The following KLHL9 variants were observed in gnomAD, a reference collection of about 807,000 sequenced individuals.
KLHL9 encodes the protein kelch like family member 9, also known as kelch-like protein 9.
A neutral mutation model predicts 42.3 loss-of-function variants in KLHL9; 27 were observed. The ratio of observed to expected loss-of-function variants is 0.64; its 90% CI spans 0.47 to 0.88. The LOEUF (loss-of-function observed/expected upper bound fraction) is 0.88. KLHL9 is among the 40% of genes least tolerant of loss of function. The pLI is 0.00. For synonymous variants in KLHL9, 274 were observed against 254.4 expected (o/e 1.08, Z -0.73); for missense variants, 629 against 750.3 (o/e 0.84, Z 1.89).
chr9:21,332,910 A>G lies in KLHL9; in HGVS notation c.*96T>C, dbSNP rs567820351. 1 of 1,552,934 alleles carries G rather than the reference A, an allele frequency of 6.4e-7. No homozygotes were observed. Among genetic ancestry groups the G allele is most frequent in the African/African-American group, 1.4e-5 (1 of 73,458 alleles). On this transcript the variant is annotated 3_prime_UTR_variant, in exon 1 of 1. Transcript: ENST00000359039. ...AAGACGAATAACATCAGTTACCTTTATATCTAATAACTGTACCAATCACTG... is the reference window on the plus strand; with the variant it reads ...AAGACGAATAACATCAGTTACCTTTGTATCTAATAACTGTACCAATCACTG...
Position 21,332,739 on chromosome 9 carries a change from C to A in KLHL9, c.*267G>T. ...ATAATGGACATAATTACACATTTAC[C>A]ACAGTCATCTACAATTTTATATAAC... On this transcript the variant is annotated 3_prime_UTR_variant, in exon 1 of 1. Coordinates refer to ENST00000359039, the MANE Select transcript of KLHL9 (RefSeq NM_018847.4). 2 of 435,084 alleles carry A rather than the reference C, an allele frequency of 4.6e-6. No homozygotes were observed. Among genetic ancestry groups the A allele is most frequent in the Non-Finnish European group, 8.0e-6 (2 of 248,676 alleles). 27.0% of individuals were successfully genotyped at this position (435,084 alleles called of 1,614,324 possible). A position where few individuals can be genotyped will look rare whatever the true frequency, so the allele number is the denominator to read the frequency against.
rs1820201040 is a variant in KLHL9 at position 21,333,005 on chromosome 9, C to T, written c.*1G>A. The stretch of plus-strand genomic sequence containing the variant: ...TACTGCAAAGGTGTTACACCTTAGA[C>T]CTAAGAATGATCTGAAGGTGCTGAA... On this transcript the variant is annotated 3_prime_UTR_variant, in exon 1 of 1. Coordinates refer to ENST00000359039, the MANE Select transcript of KLHL9 (RefSeq NM_018847.4). This position sits in a 1 kb window ranked among gnomAD's most constrained non-coding sequence, Gnocchi z 7.5. 3 of 1,613,854 alleles carry T rather than the reference C, an allele frequency of 1.9e-6. No homozygotes were observed. The highest frequency in any genetic ancestry group is 2.2e-5 in the East Asian group (1 of 44,874).
chr9:21,333,444 T>A lies in KLHL9; in HGVS notation c.1416A>T (p.Lys472Asn), dbSNP rs1302103443. Residue 472 changes from lysine (K) to asparagine (N), a missense_variant, in exon 1 of 1, where the codon AAA becomes AAT. By Grantham distance (94) the Lys-to-Asn change is moderately conservative. Transcript: ENST00000359039. This position sits in a 1 kb window ranked among gnomAD's most constrained non-coding sequence, Gnocchi z 7.5. ...ELMCFDPDTD[K>N]WMQKAPMTTV... ...TAGTCATTGGAGCCTTTTGCATCCA[T>A]TTATCTGTATCTGGGTCAAAACACA... The A allele has an allele frequency of 1.9e-6, 3 of 1,614,226 alleles. No homozygotes were observed. Among genetic ancestry groups the A allele is most frequent in the Non-Finnish European group, 2.5e-6 (3 of 1,180,038 alleles).
rs1820206413 is a variant in KLHL9 at position 21,333,277 on chromosome 9, A to G, written c.1583T>C (p.Ile528Thr). The G allele has an allele frequency of 1.2e-6, 2 of 1,614,064 alleles. No individual in the cohort carries two copies. The highest frequency in any genetic ancestry group is 1.7e-6 in the Non-Finnish European group (2 of 1,180,032). ...YSPTLDQWTPIAAMLRGQSDV... is the reference protein window; with the variant it reads ...YSPTLDQWTPTAAMLRGQSDV... ...ACTTTGGCCTCTTAACATGGCGGCA[A>G]TTGGGGTCCACTGGTCAAGGGTTGG... The change falls in exon 1 of 1, where the codon ATT (isoleucine) becomes ACT (threonine). Residue 528 changes from isoleucine to threonine, a missense_variant. Coordinates refer to ENST00000359039, the MANE Select transcript of KLHL9 (RefSeq NM_018847.4). The surrounding 1 kb of genome is among the most constrained non-coding windows in gnomAD (Gnocchi z 7.5).
rs1193905389 is a variant in KLHL9 at position 21,333,153 on chromosome 9, T to C, written c.1707A>G (p.Pro569=). The C allele has an allele frequency of 6.2e-7, 1 of 1,614,104 alleles. No individual in the cohort carries two copies. Among genetic ancestry groups the C allele is most frequent in the Non-Finnish European group, 8.5e-7 (1 of 1,180,036 alleles). The stretch of plus-strand genomic sequence containing the variant: ...AAACTTTATGCCACTCATCTTTTTC[T>C]GGGTCATATTTCTGGACAATTTCTA... The part of the protein sequence containing the change: ...CMVEIVQKYD[P]EKDEWHKVFD... The change falls in exon 1 of 1, where the codon CCA becomes CCG. Residue 569 remains proline, a synonymous_variant. Transcript: ENST00000359039. This position sits in a 1 kb window ranked among gnomAD's most constrained non-coding sequence, Gnocchi z 7.5.
rs772600694 is a variant in KLHL9 at position 21,331,192 on chromosome 9, A to C, written c.*1814T>G. The C allele has an allele frequency of 6.6e-6, 1 of 152,548 alleles. No homozygotes were observed. The highest frequency in any genetic ancestry group is 1.5e-5 in the Non-Finnish European group (1 of 68,034). 9.4% of individuals were successfully genotyped at this position (152,548 alleles called of 1,614,324 possible). A position where few individuals can be genotyped will look rare whatever the true frequency, so the allele number is the denominator to read the frequency against. Reference sequence around the variant, plus strand: ...ATTAATAATCAAAGGATTAGGATGCACTTCTTGCTTATTCAATAAAGTTAA... The same window carrying C: ...ATTAATAATCAAAGGATTAGGATGCCCTTCTTGCTTATTCAATAAAGTTAA... On this transcript the variant is annotated 3_prime_UTR_variant, in exon 1 of 1. Transcript: ENST00000359039.
Position 21,335,006 on chromosome 9 carries a change from GC to G in KLHL9, c.-148del. On this transcript the variant is annotated 5_prime_UTR_variant, in exon 1 of 1. The change creates a premature stop within an existing upstream ORF in the 5' untranslated region. Transcript: ENST00000359039. ...GTCACTGCGGCACCCCTCGGGCCAC[GC>G]CAGTCAGTCATCCACTGAAAATCAC... 1 of 1,116,172 alleles carries G rather than the reference GC, an allele frequency of 9.0e-7. No homozygotes were observed. Among genetic ancestry groups the G allele is most frequent in the Admixed American group, 2.5e-5 (1 of 40,028 alleles). The allele number at this position is 1,116,172 out of a possible 1,614,324, so 69.1% of individuals were successfully genotyped here.
At position 21,334,630 on chromosome 9, in the gene KLHL9, AAAT is replaced by A; in HGVS notation, c.227_229del (p.Tyr76del). ...CATTCCACCTGTGAACATGGCTTTG[AAAT>A]AATCACTAGCAGACGCCATCATAGC... On this transcript the variant is annotated inframe_deletion, in exon 1 of 1. Coordinates refer to ENST00000359039, the MANE Select transcript of KLHL9 (RefSeq NM_018847.4). The surrounding 1 kb of genome is among the most constrained non-coding windows in gnomAD (Gnocchi z 5.1). The A allele has an allele frequency of 1.2e-6, 2 of 1,614,214 alleles. No individual in the cohort carries two copies. The highest frequency in any genetic ancestry group is 4.5e-5 in the East Asian group (2 of 44,888).
rs1015112139 is a variant in KLHL9, at chr9:21,331,295, A to G, written c.*1711T>C. ...AATAAAAAACTGAGTAATTAAAAAA[A>G]CATAGAAAGTATGAAAATTTCTGCC... On this transcript the variant is annotated 3_prime_UTR_variant, in exon 1 of 1. Coordinates refer to ENST00000359039, the MANE Select transcript of KLHL9 (RefSeq NM_018847.4). 1.3e-5 allele frequency: 2 copies of G among 152,644 alleles called. No homozygotes were observed. Among genetic ancestry groups the G allele is most frequent in the Non-Finnish European group, 2.9e-5 (2 of 68,036 alleles). The allele number at this position is 152,644 out of a possible 1,614,324, so 9.5% of individuals were successfully genotyped here. A position where few individuals can be genotyped will look rare whatever the true frequency, so the allele number is the denominator to read the frequency against.
rs1820230102 is a variant in KLHL9 at position 21,334,434 on chromosome 9, T to G, written c.426A>C (p.Lys142Asn). 1 of 1,614,034 alleles carries G rather than the reference T, an allele frequency of 6.2e-7. No homozygotes were observed. The highest frequency in any genetic ancestry group is 8.5e-7 in the Non-Finnish European group (1 of 1,179,986). ...AAGAGACTCCTGATATAAGAAATAC[T>G]TTACAGAAATCCAAAACGGGTAATA... Reference protein sequence around the residue: ...LQILPVLDFCKVFLISGVSLD... With the variant: ...LQILPVLDFCNVFLISGVSLD... The change falls in exon 1 of 1, where the codon AAA becomes AAC. Residue 142 changes from lysine (K) to asparagine (N), a missense_variant. Lys to Asn is a moderately conservative substitution (Grantham distance 94). Around this residue, in one of 4 missense-constraint regions of KLHL9, gnomAD observed 351 missense variants for 363.1 expected, o/e 0.97. Transcript: ENST00000359039. The surrounding 1 kb of genome is among the most constrained non-coding windows in gnomAD (Gnocchi z 5.1).
At position 21,330,690 on chromosome 9, in the gene KLHL9, G is replaced by A. The variant is rs570648178; in HGVS notation, c.*2316C>T. 1 of 152,220 alleles carries A rather than the reference G, an allele frequency of 6.6e-6. No individual in the cohort carries two copies. The highest frequency in any genetic ancestry group is 1.9e-4 in the East Asian group (1 of 5,180). 9.4% of individuals were successfully genotyped at this position (152,220 alleles called of 1,614,324 possible). A position where few individuals can be genotyped will look rare whatever the true frequency, so the allele number is the denominator to read the frequency against. On this transcript the variant is annotated 3_prime_UTR_variant, in exon 1 of 1. Coordinates refer to ENST00000359039, the MANE Select transcript of KLHL9 (RefSeq NM_018847.4). ...AGGCAGGGCAGTATCACCTTGATAT[G>A]TCAGAATAAGCACTGAAATACTACA...
chr9:21,334,722 T>C lies in KLHL9; in HGVS notation c.138A>G (p.Glu46=), dbSNP rs201185527. The C allele has an allele frequency of 8.4e-5, 136 of 1,613,632 alleles. No homozygotes were observed. The highest frequency in any genetic ancestry group is 1.1e-4 in the Non-Finnish European group (134 of 1,179,682). ...VLQGFDQLRI[E]GLLCDVTLVP... ...CCAGGGTCACATCACAAAGCAATCC[T>C]TCTATTCTAAGCTGATCAAAGCCTT... Residue 46 remains glutamate (E), a synonymous_variant, in exon 1 of 1, where the codon GAA becomes GAG. Coordinates refer to ENST00000359039, the MANE Select transcript of KLHL9 (RefSeq NM_018847.4). This position sits in a 1 kb window ranked among gnomAD's most constrained non-coding sequence, Gnocchi z 5.1.
At position 21,334,398 on chromosome 9, in the gene KLHL9, A is replaced by C; in HGVS notation, c.462T>G (p.Cys154Trp). 6.2e-7 allele frequency: 1 copy of C among 1,614,006 alleles called. No homozygotes were observed. Among genetic ancestry groups the C allele is most frequent in the Non-Finnish European group, 8.5e-7 (1 of 1,179,980 alleles). Residue 154 changes from cysteine (C) to tryptophan (W), a missense_variant, in exon 1 of 1, where the codon TGT (cysteine) becomes TGG (tryptophan). Transcript: ENST00000359039. This position sits in a 1 kb window ranked among gnomAD's most constrained non-coding sequence, Gnocchi z 5.1. Reference protein sequence around the residue: ...FLISGVSLDNCVEVGRIANTY... With the variant: ...FLISGVSLDNWVEVGRIANTY... ...TGTTAGCAATTCGTCCAACCTCAAC[A>C]CAGTTATCCAAAGAGACTCCTGATA... is the stretch of plus-strand genomic sequence containing the variant.
Position 21,333,655 on chromosome 9 carries a change from T to C in KLHL9, c.1205A>G (p.Tyr402Cys), listed in dbSNP as rs749652681. The stretch of plus-strand genomic sequence containing the variant: ...AGCTGCACTGCGCCCACCAACTGCA[T>C]ACAAATGTCCTTTGAGGGCACTCAA... ...FHLSALKGHL[Y>C]AVGGRSAAGE... The change falls in exon 1 of 1, where the codon TAT becomes TGT. Residue 402 changes from tyrosine (Y) to cysteine (C), a missense_variant. Tyr to Cys is a radical substitution (Grantham distance 194). Transcript: ENST00000359039. This position sits in a 1 kb window ranked among gnomAD's most constrained non-coding sequence, Gnocchi z 7.5. 1 of 1,614,232 alleles carries C rather than the reference T, an allele frequency of 6.2e-7. No individual in the cohort carries two copies.
chr9:21,333,522 G>A lies in KLHL9; in HGVS notation c.1338C>T (p.Gly446=), dbSNP rs1258913735. The change falls in exon 1 of 1, where the codon GGC becomes GGT. Residue 446 remains glycine (G), a synonymous_variant. Coordinates refer to ENST00000359039, the MANE Select transcript of KLHL9 (RefSeq NM_018847.4). This position sits in a 1 kb window ranked among gnomAD's most constrained non-coding sequence, Gnocchi z 7.5. ...TAATTCCTCCTGAAATATACATTAA[G>A]CCTCCATATACTGTTCCAGCATGAC... ...HYGHAGTVYG[G]LMYISGGITH... 2 of 1,613,966 alleles carry A rather than the reference G, an allele frequency of 1.2e-6. No individual in the cohort carries two copies. The highest frequency in any genetic ancestry group is 2.7e-5 in the African/African-American group (2 of 74,882).
Sources: gnomAD v4.1 joint callset for allele counts on GRCh38, gnomAD v4.1.1 for gene constraint, gnomAD v4.1.1 regional missense constraint, Gnocchi (gnomAD v3.1) non-coding constraint, MANE v1.5 for transcripts, NCBI Gene and HGNC (gene_info 2026-07-23, HGNC 2026-07-21) for gene names.